NCKAP5: variants seen among roughly 807,000 people sequenced by gnomAD.
NCKAP5 encodes the protein nck-associated protein 5.
In NCKAP5, 92 loss-of-function variants were observed where a neutral mutation model predicts 167.0. The observed-to-expected ratio is 0.55, with a 90% CI of 0.47 to 0.66. The LOEUF (loss-of-function observed/expected upper bound fraction) is 0.66. Ranked by LOEUF, NCKAP5 falls within the 30% of genes least tolerant of loss-of-function variation. The pLI is 0.00. For synonymous variants in NCKAP5, 891 were observed against 877.4 expected (o/e 1.02, Z -0.27); for missense variants, 2,378 against 2,315.0 (o/e 1.03, Z -0.56).
At chr2:132,693,247 G>C (rs1233106956) in intron 19 of NCKAP5, among the ~76,000 whole-genome samples, 2 of 152,304 alleles carry the variant, frequency 1.3e-5, no homozygotes, top group Admixed American at 6.5e-5. Context: ...GCTGATACCT[G>C]TGAATGTGAC....
At position 132,781,224 on chromosome 2, in the gene NCKAP5, T is replaced by A. The variant is rs1209785546; in HGVS notation, c.4877A>T (p.Asp1626Val). ...TTCTGTCTGTGGAGCTGCTTTCTTA[T>A]CAACTCTGCAGGTAGAAAGTGATTC... The part of the protein sequence containing the change: ...TFMTELLNRV[D>V]KKAAPQTESG... The change falls in exon 15 of 20, where the codon GAT becomes GTT. Residue 1626 changes from aspartate to valine, a missense_variant. Coordinates refer to ENST00000409261, the MANE Select transcript of NCKAP5 (RefSeq NM_207363.3). 1.1e-5 allele frequency: 17 copies of A among 1,613,420 alleles called. No individual in the cohort carries two copies. Among genetic ancestry groups the A allele is most frequent in the Admixed American group, 1.7e-5 (1 of 59,958 alleles).
intron 5 of NCKAP5, among the ~76,000 whole-genome samples, chr2:133,133,888 C>A (rs1030513131): frequency 1.3e-5 from 2 of 152,154 alleles, no homozygotes; most frequent in Non-Finnish European, 2.9e-5. Flanking sequence ...AGCTCTGGAG[C>A]TAGAATTGAG....
chr2:133,257,067 T>C (rs1032760633), intron 4 of NCKAP5, among the ~76,000 whole-genome samples: 3 of 152,176 alleles, frequency 2.0e-5, no homozygotes, highest in Non-Finnish European at 4.4e-5. Context: ...CAAAAAAGAA[T>C]TCAGGAATCA....
chr2:132,992,389 G>C (rs1383860766), intron 7 of NCKAP5, among the ~76,000 whole-genome samples: 1 of 152,194 alleles, frequency 6.6e-6, no homozygotes, highest in African/African-American at 2.4e-5. Flanking sequence ...GCTAATAATT[G>C]TTTAAGAGCT....
At chr2:132,905,837 T>G (rs1693969095) in intron 8 of NCKAP5, among the ~76,000 whole-genome samples, 1 of 152,160 alleles carries the variant, frequency 6.6e-6, no homozygotes, top group Non-Finnish European at 1.5e-5. Context: ...ATTGATTTTC[T>G]CAGGTTCATA....
chr2:133,352,026 A>G (rs1684398198), intron 3 of NCKAP5, among the ~76,000 whole-genome samples: 1 of 152,098 alleles, frequency 6.6e-6, no homozygotes, highest in African/African-American at 2.4e-5. Flanking sequence ...ATGAAAAAAA[A>G]TGCAACTGGC....
At chr2:132,866,474 C>T (rs1243731768) in intron 10 of NCKAP5, among the ~76,000 whole-genome samples, 1 of 152,188 alleles carries the variant, frequency 6.6e-6, no homozygotes, top group African/African-American at 2.4e-5. Flanking sequence ...ACAGTCCATT[C>T]TCCTAAGGGA....
At chr2:133,071,088 A>C (rs1237025500) in intron 6 of NCKAP5, among the ~76,000 whole-genome samples, 1 of 152,198 alleles carries the variant, frequency 6.6e-6, no homozygotes, top group East Asian at 1.9e-4. Flanking sequence ...AAAAGGTGAC[A>C]CTAAAGAAGC....
chr2:133,038,733 A>G (rs1489243102), intron 6 of NCKAP5, among the ~76,000 whole-genome samples: 1 of 152,064 alleles, frequency 6.6e-6, no homozygotes, highest in East Asian at 1.9e-4. Flanking sequence ...GCATGTAACC[A>G]TAAATATTGA....
At chr2:133,566,917 C>T (rs1688593356) in intron 1 of NCKAP5, among the ~76,000 whole-genome samples, 1 of 152,200 alleles carries the variant, frequency 6.6e-6, no homozygotes, top group Non-Finnish European at 1.5e-5. Flanking sequence ...GACAAAGAGG[C>T]AGGATGTTAC....
At chr2:133,543,236 A>G (rs1686374617) in intron 2 of NCKAP5, among the ~76,000 whole-genome samples, 1 of 152,122 alleles carries the variant, frequency 6.6e-6, no homozygotes, top group Non-Finnish European at 1.5e-5. Context: ...CTCTCTCGCC[A>G]TGTGATATAC....
chr2:132,729,972 A>G (rs992537604), intron 17 of NCKAP5, among the ~76,000 whole-genome samples: 36 of 152,164 alleles, frequency 2.4e-4, no homozygotes, highest in African/African-American at 8.2e-4. Context: ...AGGAGCTATA[A>G]TCTCATTTTC....
chr2:133,205,066 A>T (rs1367377174), intron 5 of NCKAP5, among the ~76,000 whole-genome samples: 1 of 152,082 alleles, frequency 6.6e-6, no homozygotes, highest in East Asian at 1.9e-4. Flanking sequence ...AGGCTGGTGG[A>T]TCCCTTGAGC....
Position 133,565,037 on chromosome 2 carries a change from C to T in NCKAP5, c.-130+3179G>A, listed in dbSNP as rs181746137. On this transcript the variant is annotated intron_variant, in intron 1 of 19. Transcript: ENST00000409261. ...CATGGTGCACAGGGACACCTACCTG[C>T]GGTGACTGGGATGTGAAAAGCTGCT... Among the ~76,000 whole-genome samples the T allele has an allele frequency of 6.2e-3, 946 of 152,224 alleles. 31 individuals are homozygous for T. The highest frequency in any genetic ancestry group is 0.055 in the Admixed American group (838 of 15,286).
intron 5 of NCKAP5, among the ~76,000 whole-genome samples, chr2:133,132,273 C>A (rs2082629955): frequency 7.1e-6 from 1 of 140,248 alleles, no homozygotes. Context: ...GGTGACAGAG[C>A]GAGACTCCAT....
intron 5 of NCKAP5, among the ~76,000 whole-genome samples, chr2:133,206,570 T>A (rs547939756): frequency 1.3e-5 from 2 of 152,296 alleles, no homozygotes; most frequent in African/African-American, 4.8e-5. Flanking sequence ...TTGTACAAAC[T>A]GATTGCAGAA....
rs540882806 is a variant in NCKAP5, at chr2:132,860,523, C to T, written c.776G>A (p.Arg259Gln). 34 of 1,584,076 alleles carry T rather than the reference C, an allele frequency of 2.1e-5. No homozygotes were observed. Among genetic ancestry groups the T allele is most frequent in the African/African-American group, 5.4e-5 (4 of 74,652 alleles). The change falls in exon 11 of 20, where the codon CGA (arginine) becomes CAA (glutamine). Residue 259 changes from arginine (R) to glutamine (Q), a missense_variant. Physicochemically the swap from Arg to Gln is conservative, Grantham distance 43. Transcript: ENST00000409261. Reference sequence around the variant, plus strand: ...GAGCAGATCAGAAGTGGGTCTGACTCGCTGTTGGAATAGGATGCTTAGTGT... The same window carrying T: ...GAGCAGATCAGAAGTGGGTCTGACTTGCTGTTGGAATAGGATGCTTAGTGT... ...NRTLSILFQQ[R>Q]VRPTSDLLLQ...
intron 12 of NCKAP5, among the ~76,000 whole-genome samples, chr2:132,795,151 C>T (rs1177212182): frequency 1.3e-5 from 2 of 152,090 alleles, no homozygotes; most frequent in Non-Finnish European, 2.9e-5. Context: ...TAATACCTTG[C>T]CCAAGTTGCC....
In NCKAP5 at chr2:132,771,678, G is replaced by GTTT. The variant is rs34744009; in HGVS notation, c.5128+2135_5128+2137dup. On this transcript the variant is annotated intron_variant, in intron 16 of 19. Coordinates refer to ENST00000409261, the MANE Select transcript of NCKAP5 (RefSeq NM_207363.3). ...TTGTTGTTTATCTTTGATGCTAATT[G>GTTT]TTTTTTTTTTTTGAGACAGAGTCTC... 4.7e-4 allele frequency among the ~76,000 whole-genome samples: 67 copies of GTTT among 142,830 alleles called. 1 individual carries two copies. The highest frequency in any genetic ancestry group is 1.6e-3 in the African/African-American group (63 of 38,768). The allele number at this position is 142,830 out of a possible 152,430, so 93.7% of individuals were successfully genotyped here.
Sources: allele counts gnomAD v4.1 joint callset (sites outside exome capture counted in the v4.1 genomes callset), GRCh38; gene constraint gnomAD v4.1.1; transcripts MANE v1.5; gene names NCBI Gene and HGNC (gene_info 2026-07-23, HGNC 2026-07-21).